Variants in ANGPT4 observed in about 807,000 individuals in gnomAD.
ANGPT4 encodes angiopoietin 4.
ANGPT4 carries 50 observed loss-of-function variants against 53.0 expected under a neutral mutation model. That is an observed-to-expected ratio of 0.94 (90% CI 0.75 to 1.20). The LOEUF (loss-of-function observed/expected upper bound fraction) is 1.20, where lower values mean the gene tolerates loss of function less well. Ranked by LOEUF, ANGPT4 falls within the 50% of genes most tolerant of loss-of-function variation. The pLI is 0.00. For synonymous variants in ANGPT4, 251 were observed against 259.7 expected, an observed-to-expected ratio of 0.97 and a Z score of 0.32; for missense variants, 648 against 637.1, an observed-to-expected ratio of 1.02 and a Z score of -0.18.
chr20:897,194 A>C (rs1982090555), intron 1 of ANGPT4, among the ~76,000 whole-genome samples: 1 of 152,144 alleles, frequency 6.6e-6, no homozygotes, highest in African/African-American at 2.4e-5. Flanking sequence ...TATTGCTCAC[A>C]CAAAGCCTGT....
intron 5 of ANGPT4, among the ~76,000 whole-genome samples, chr20:880,391 C>G (rs1981355441): frequency 6.6e-6 from 1 of 152,052 alleles, no homozygotes; most frequent in African/African-American, 2.4e-5. Context: ...TTCAGACCAG[C>G]CTGGGAAACA....
chr20:875,425 C>A (rs908012987), intron 7 of ANGPT4, among the ~76,000 whole-genome samples: 2 of 152,208 alleles, frequency 1.3e-5, no homozygotes, highest in African/African-American at 4.8e-5. Context: ...ATTTCTATTT[C>A]TTTGCCAGGC....
chr20:884,381 T>C (rs1286951727), intron 4 of ANGPT4, among the ~76,000 whole-genome samples: 2 of 152,248 alleles, frequency 1.3e-5, no homozygotes, highest in African/African-American at 2.4e-5. Flanking sequence ...AGACAGGAGC[T>C]GTGACTGTGC....
chr20:878,887 T>A (rs189987488), intron 6 of ANGPT4, among the ~76,000 whole-genome samples: 61 of 152,136 alleles, frequency 4.0e-4, no homozygotes, highest in African/African-American at 1.4e-3. Context: ...AAACTGAGAG[T>A]GTGGGGAATG....
At chr20:907,255 G>A (rs544188686) in intron 1 of ANGPT4, among the ~76,000 whole-genome samples, 1 of 152,218 alleles carries the variant, frequency 6.6e-6, no homozygotes, top group Non-Finnish European at 1.5e-5. Flanking sequence ...CCTGGCTCCT[G>A]AGCCTCACCT....
intron 1 of ANGPT4, among the ~76,000 whole-genome samples, chr20:904,983 C>T (rs1263535117): frequency 1.3e-5 from 2 of 152,130 alleles, no homozygotes; most frequent in Non-Finnish European, 2.9e-5. Flanking sequence ...GAGGAGAGGC[C>T]CTAGGGTCTG....
At chr20:882,914 G>T (rs914049173) in intron 4 of ANGPT4, among the ~76,000 whole-genome samples, 9 of 152,184 alleles carry the variant, frequency 5.9e-5, no homozygotes, top group African/African-American at 1.9e-4. Flanking sequence ...AAATATTTTT[G>T]GGAGGCATAA....
intron 1 of ANGPT4, among the ~76,000 whole-genome samples, chr20:915,466 T>G (rs1359329365): frequency 6.6e-6 from 1 of 152,134 alleles, no homozygotes; most frequent in Non-Finnish European, 1.5e-5. Context: ...AAATGTCACC[T>G]CCTCTGAGAA....
rs961710151 is a variant in ANGPT4, at chr20:911,237, C to T, written c.309+4669G>A. On this transcript the variant is annotated intron_variant, in intron 1 of 8. Coordinates refer to ENST00000381922, the MANE Select transcript of ANGPT4 (RefSeq NM_015985.4). This position sits in a 1 kb window ranked among gnomAD's most constrained non-coding sequence, Gnocchi z 4.9. ...AGGCAGGGCCTCACAACTGCCAGGC[C>T]GAGGGGCCCAGTTATTCTGAGGTTT... Among the ~76,000 whole-genome samples the T allele has an allele frequency of 1.3e-5, 2 of 152,174 alleles. No individual in the cohort carries two copies. The highest frequency in any genetic ancestry group is 2.9e-5 in the Non-Finnish European group (2 of 68,018).
intron 1 of ANGPT4, among the ~76,000 whole-genome samples, chr20:905,275 C>T (rs759229822): frequency 6.6e-6 from 1 of 152,156 alleles, no homozygotes; most frequent in Non-Finnish European, 1.5e-5. Flanking sequence ...GAGAAGAGCC[C>T]CAGGAGTGCA....
At chr20:879,685 C>G (rs1297504282) in intron 6 of ANGPT4, 62 bp downstream of exon 6, 1 of 1,455,932 alleles carries the variant, frequency 6.9e-7, no homozygotes, top group Non-Finnish European at 9.5e-7. Context: ...CCCCTTCCAA[C>G]AGCCCAGCCC....
chr20:872,792 T>G lies in ANGPT4; in HGVS notation c.*168A>C, dbSNP rs1888087. The stretch of plus-strand genomic sequence containing the variant: ...CTCCATGTCACAGACGGAGGGGAGT[T>G]GGGGGGCAGATGACCCTTCTGGACT... On this transcript the variant is annotated 3_prime_UTR_variant, in exon 9 of 9. Transcript: ENST00000381922. 660,175 of 746,696 alleles carry G rather than the reference T, an allele frequency of 0.88. 291,597 individuals carry two copies. Among genetic ancestry groups the G allele is most frequent in the Admixed American group, 0.9 (34,507 of 38,196 alleles). 46.3% of individuals were successfully genotyped at this position (746,696 alleles called of 1,614,324 possible). A position where few individuals can be genotyped will look rare whatever the true frequency, so the allele number is the denominator to read the frequency against.
rs537043711 is a variant in ANGPT4 at position 899,886 on chromosome 20, A to G, written c.310-9518T>C. On this transcript the variant is annotated intron_variant, in intron 1 of 8. Coordinates refer to ENST00000381922, the MANE Select transcript of ANGPT4 (RefSeq NM_015985.4). ...AGCAACTTACCTGGGCTGTACTGCCACAAGGCTTCAGGGACAGCCCCTATT... is the reference window on the plus strand; with the variant it reads ...AGCAACTTACCTGGGCTGTACTGCCGCAAGGCTTCAGGGACAGCCCCTATT... Among the ~76,000 whole-genome samples the G allele has an allele frequency of 7.4e-4, 112 of 152,318 alleles. 1 individual carries two copies. The highest frequency in any genetic ancestry group is 3.4e-3 in the Middle Eastern group (1 of 294).
At chr20:883,863 A>G (rs762014887) in intron 4 of ANGPT4, among the ~76,000 whole-genome samples, 2 of 152,214 alleles carry the variant, frequency 1.3e-5, no homozygotes, top group Non-Finnish European at 2.9e-5. Flanking sequence ...TAATAGGTTC[A>G]GGTTAATCCA....
chr20:906,001 A>G (rs1982464189), intron 1 of ANGPT4, among the ~76,000 whole-genome samples: 1 of 152,152 alleles, frequency 6.6e-6, no homozygotes, highest in African/African-American at 2.4e-5. Context: ...TCCAGAGACC[A>G]CACCCTTAGC....
intron 1 of ANGPT4, among the ~76,000 whole-genome samples, chr20:909,654 C>A (rs1982624195): frequency 6.6e-6 from 1 of 152,218 alleles, no homozygotes. Context: ...AAAGTAGCTT[C>A]TGTTAGTGTC....
At chr20:888,186 AC>A (rs2122796342) in intron 3 of ANGPT4, 131 bp downstream of exon 3, 1 of 1,268,202 alleles carries the variant, frequency 7.9e-7, no homozygotes, top group Non-Finnish European at 1.1e-6. Flanking sequence ...TATCCCAGAC[AC>A]CAGCCCACGT....
chr20:889,304 GTCA>G (rs1981745994), intron 2 of ANGPT4, among the ~76,000 whole-genome samples: 1 of 152,028 alleles, frequency 6.6e-6, no homozygotes, highest in African/African-American at 2.4e-5. Context: ...TAAGAAAGTC[GTCA>G]TCATGCAATT....
chr20:912,965 C>G (rs1436140768), intron 1 of ANGPT4, among the ~76,000 whole-genome samples: 1 of 152,172 alleles, frequency 6.6e-6, no homozygotes, highest in Non-Finnish European at 1.5e-5. Context: ...CACTTTCCCT[C>G]TCTGGCCTGT....
Sources: allele counts gnomAD v4.1 joint callset (sites outside exome capture counted in the v4.1 genomes callset), GRCh38; gene constraint gnomAD v4.1.1; non-coding constraint Gnocchi (gnomAD v3.1); transcripts MANE v1.5; gene names NCBI Gene and HGNC (gene_info 2026-07-23, HGNC 2026-07-21).